KCNMA1: variants seen among roughly 807,000 people sequenced by gnomAD.
The protein encoded by KCNMA1 is Calcium-activated potassium channel subunit alpha-1.
A neutral mutation model predicts 140.0 loss-of-function variants in KCNMA1; 29 were observed. The observed-to-expected ratio is 0.21, with a 90% confidence interval of 0.15 to 0.28. The LOEUF (loss-of-function observed/expected upper bound fraction) is 0.28, where lower values mean the gene tolerates loss of function less well. KCNMA1 is among the 10% of genes least tolerant of loss of function. The pLI, the probability that KCNMA1 is intolerant of heterozygous loss-of-function variation, is 1.00. For missense variants in KCNMA1, 880 were observed against 1,602.2 expected (o/e 0.55, Z 7.70); for synonymous variants, 612 against 611.9 (o/e 1.00, Z 0.00).
intron 5 of KCNMA1, among the ~76,000 whole-genome samples, chr10:77,171,380 C>T (rs995993821): frequency 5.2e-5 from 7 of 135,920 alleles, no homozygotes; most frequent in Admixed American, 1.5e-4. Flanking sequence ...TCGGAAAGTA[C>T]GTGTGCGTGT....
chr10:77,215,848 G>A (rs754419245), intron 3 of KCNMA1, among the ~76,000 whole-genome samples: 8 of 151,828 alleles, frequency 5.3e-5, no homozygotes, highest in Non-Finnish European at 1.0e-4. Context: ...AGATACCAGT[G>A]AGCAGTGAGC....
intron 19 of KCNMA1, among the ~76,000 whole-genome samples, chr10:76,990,137 T>C (rs2082333575): frequency 2.0e-5 from 3 of 152,204 alleles, no homozygotes; most frequent in Non-Finnish European, 4.4e-5. Context: ...CACATGGTAG[T>C]AGGACATGAT....
chr10:77,256,905 A>G (rs1485421902), intron 2 of KCNMA1, among the ~76,000 whole-genome samples: 1 of 152,164 alleles, frequency 6.6e-6, no homozygotes, highest in East Asian at 1.9e-4. Flanking sequence ...GGAGTTCGAG[A>G]CCAGCCTGGG....
chr10:77,403,112 A>C (rs2096333633), intron 2 of KCNMA1, among the ~76,000 whole-genome samples: 1 of 152,162 alleles, frequency 6.6e-6, no homozygotes, highest in Non-Finnish European at 1.5e-5. Flanking sequence ...GATCACTATA[A>C]GCCTGTCCCA....
intron 17 of KCNMA1, among the ~76,000 whole-genome samples, chr10:77,013,430 TA>T (rs751581367): frequency 2.9e-4 from 44 of 149,688 alleles, no homozygotes; most frequent in African/African-American, 9.3e-4. Context: ...TCAAAAAAAT[TA>T]AAAAAAAAAT....
intron 2 of KCNMA1, among the ~76,000 whole-genome samples, chr10:77,390,511 G>A (rs1430878394): frequency 6.6e-6 from 1 of 152,142 alleles, no homozygotes; most frequent in Non-Finnish European, 1.5e-5. Flanking sequence ...CAGCTTCCCT[G>A]GGAGCCCATG....
intron 3 of KCNMA1, among the ~76,000 whole-genome samples, chr10:77,223,122 G>C (rs907422621): frequency 2.0e-5 from 3 of 151,968 alleles, no homozygotes; most frequent in Admixed American, 6.6e-5. Context: ...CCAGCTACTC[G>C]GGAGGCTGAG....
chr10:76,900,018 T>A (rs1465314180), intron 25 of KCNMA1, among the ~76,000 whole-genome samples: 3 of 152,114 alleles, frequency 2.0e-5, no homozygotes, highest in Non-Finnish European at 4.4e-5. Flanking sequence ...TACCCACTTT[T>A]AAATATTGAA....
chr10:77,063,965 A>T, intron 14 of KCNMA1: 1 of 985,418 alleles, frequency 1.0e-6, no homozygotes, highest in Non-Finnish European at 1.2e-6. Flanking sequence ...GAGAAGGGCC[A>T]GGGTGAGTGT....
intron 5 of KCNMA1, among the ~76,000 whole-genome samples, chr10:77,124,569 A>C (rs553099003): frequency 6.6e-6 from 1 of 152,304 alleles, no homozygotes; most frequent in East Asian, 1.9e-4. Context: ...CCAGAGGGAA[A>C]TATCTCCTTG....
intron 22 of KCNMA1, among the ~76,000 whole-genome samples, chr10:76,945,219 C>G (rs2063582332): frequency 6.6e-6 from 1 of 152,130 alleles, no homozygotes; most frequent in South Asian, 2.1e-4. Flanking sequence ...TAAGCTTGTT[C>G]TCAATACTCA....
chr10:77,254,500 G>A (rs991253454), intron 2 of KCNMA1, among the ~76,000 whole-genome samples: 4 of 152,132 alleles, frequency 2.6e-5, no homozygotes, highest in Non-Finnish European at 5.9e-5. Flanking sequence ...TGGGATTACA[G>A]GCATGAGCCA....
intron 1 of KCNMA1, among the ~76,000 whole-genome samples, chr10:77,606,899 G>A (rs1567833805): frequency 6.6e-6 from 1 of 152,148 alleles, no homozygotes. Context: ...CAAAACCCGT[G>A]CAACCCTTGC....
At chr10:76,907,530 GTTTTA>G (rs1053775187) in intron 25 of KCNMA1, among the ~76,000 whole-genome samples, 3 of 151,976 alleles carry the variant, frequency 2.0e-5, no homozygotes, top group African/African-American at 7.3e-5. Flanking sequence ...CATCTCTGTT[GTTTTA>G]TTTTATTTTA....
At chr10:76,953,730 G>A in intron 21 of KCNMA1, 71 bp downstream of exon 21, 1 of 1,594,196 alleles carries the variant, frequency 6.3e-7, no homozygotes, top group Non-Finnish European at 8.6e-7. Context: ...TCCAACTAGG[G>A]AAACCCCATT....
At chr10:76,925,587 C>G (rs959772223) in intron 23 of KCNMA1, among the ~76,000 whole-genome samples, 1 of 152,090 alleles carries the variant, frequency 6.6e-6, no homozygotes, top group Admixed American at 6.6e-5. Context: ...ACGTGAAGAG[C>G]TCATTAAAGT....
In KCNMA1 at chr10:77,027,833, G is replaced by T. The variant is rs1407652513; in HGVS notation, c.1918C>A (p.Arg640=). The change falls in exon 16 of 28, where the codon CGA becomes AGA. Residue 640 remains arginine, a synonymous_variant. Transcript: ENST00000286628. ...TCACCGCAAACTTACCGGCTCTCTC[G>T]GTTGGCAGACTTGTACTCAATGGCT... ...MIAIEYKSAN[R]ESRILINPGN... 1 of 1,613,874 alleles carries T rather than the reference G, an allele frequency of 6.2e-7. No homozygotes were observed. The highest frequency in any genetic ancestry group is 1.3e-5 in the African/African-American group (1 of 75,010).
intron 1 of KCNMA1, among the ~76,000 whole-genome samples, chr10:77,485,748 G>A (rs550079807): frequency 6.6e-6 from 1 of 152,348 alleles, no homozygotes; most frequent in South Asian, 2.1e-4. Context: ...ATCAGGGTCA[G>A]AGAGCAGGCC....
At chr10:77,452,178 G>A (rs12571330) in intron 1 of KCNMA1, among the ~76,000 whole-genome samples, 10,968 of 152,102 alleles carry the variant, frequency 0.072, 530 homozygotes, top group Admixed American at 0.13. Context: ...TGATCTTTTC[G>A]CCTGCCATGA....
Sources: allele counts gnomAD v4.1 joint callset (sites outside exome capture counted in the v4.1 genomes callset), GRCh38; gene constraint gnomAD v4.1.1; transcripts MANE v1.5; gene names NCBI Gene and HGNC (gene_info 2026-07-23, HGNC 2026-07-21).